The following RNF220 variants were observed in gnomAD, a reference collection of about 807,000 sequenced individuals.
The protein encoded by RNF220 is E3 ubiquitin-protein ligase RNF220.
A neutral mutation model predicts 67.1 loss-of-function variants in RNF220; 7 were observed. The observed-to-expected ratio is 0.10, with a 90% confidence interval of 0.06 to 0.20. RNF220 has a LOEUF of 0.20. Among genes scored for constraint, RNF220 ranks in the 10% least tolerant of loss-of-function variants. The pLI, the probability that RNF220 is intolerant of heterozygous loss-of-function variation, is 1.00. For missense variants in RNF220, 565 were observed against 740.3 expected (o/e 0.76, Z 2.75); for synonymous variants, 270 against 283.2 (o/e 0.95, Z 0.47).
intron 1 of RNF220, among the ~76,000 whole-genome samples, chr1:44,407,193 G>C (rs1464862367): frequency 1.3e-5 from 2 of 152,118 alleles, no homozygotes. Flanking sequence ...GAGGGGGAGA[G>C]CACCGCACTC....
At chr1:44,473,855 GT>G (rs1655036168) in intron 2 of RNF220, among the ~76,000 whole-genome samples, 1 of 152,082 alleles carries the variant, frequency 6.6e-6, no homozygotes, top group Non-Finnish European at 1.5e-5. Flanking sequence ...TTGGCTGATG[GT>G]TTTGCTAGTA....
intron 2 of RNF220, among the ~76,000 whole-genome samples, chr1:44,504,069 C>T (rs1338541130): frequency 6.6e-6 from 1 of 152,042 alleles, no homozygotes; most frequent in African/African-American, 2.4e-5. Flanking sequence ...AGGATGGTCT[C>T]GATCTCCTGA....
At chr1:44,423,707 A>G in intron 2 of RNF220, 1 of 298,070 alleles carries the variant, frequency 3.4e-6, no homozygotes, top group Non-Finnish European at 5.0e-6. Flanking sequence ...CCCTACCCGG[A>G]AACGTGACAG....
At chr1:44,502,530 C>T (rs751288307) in intron 2 of RNF220, among the ~76,000 whole-genome samples, 2 of 152,166 alleles carry the variant, frequency 1.3e-5, no homozygotes, top group Non-Finnish European at 2.9e-5. Context: ...ATAATTTGCT[C>T]AGCATTCCTT....
At chr1:44,511,035 GT>G (rs1227684528) in intron 2 of RNF220, among the ~76,000 whole-genome samples, 1 of 152,208 alleles carries the variant, frequency 6.6e-6, no homozygotes, top group African/African-American at 2.4e-5. Flanking sequence ...GGGGAGTGAT[GT>G]TTGAGGACCT....
Position 44,622,660 on chromosome 1 carries a change from T to G in RNF220, c.759-82T>G, listed in dbSNP as rs571187485. 58 of 1,294,200 alleles carry G rather than the reference T, an allele frequency of 4.5e-5. No homozygotes were observed. In the African/African-American group the frequency reaches 6.5e-4, roughly 15 times the overall value. 80.2% of individuals were successfully genotyped at this position (1,294,200 alleles called of 1,614,324 possible). On this transcript the variant is annotated intron_variant, in intron 3 of 14. Transcript: ENST00000361799. The surrounding 1 kb of genome is among the most constrained non-coding windows in gnomAD (Gnocchi z 4.3). The stretch of plus-strand genomic sequence containing the variant: ...CTAGGCGGTCTATGCCTTCTCTGTC[T>G]TTGGGGTCTTCTTGCTACTCTACCG...
intron 2 of RNF220, among the ~76,000 whole-genome samples, chr1:44,427,749 T>C (rs984630258): frequency 7.2e-5 from 11 of 152,198 alleles, no homozygotes; most frequent in East Asian, 3.8e-4. Context: ...CTAGTATCAA[T>C]CTCTTAGTGG....
upstream of RNF220, among the ~76,000 whole-genome samples, chr1:44,404,893 A>G (rs1236849005): frequency 6.6e-6 from 1 of 152,178 alleles, no homozygotes; most frequent in Non-Finnish European, 1.5e-5. Context: ...AGTGGATGTC[A>G]GTCTTCAAGC....
intron 2 of RNF220, among the ~76,000 whole-genome samples, chr1:44,611,554 T>G (rs886242019): frequency 9.2e-5 from 14 of 152,162 alleles, no homozygotes; most frequent in African/African-American, 3.1e-4. Flanking sequence ...CTGCCTCAAT[T>G]ATCTGTTCCA....
intron 3 of RNF220, among the ~76,000 whole-genome samples, chr1:44,617,260 G>C (rs896731036): frequency 6.6e-6 from 1 of 152,086 alleles, no homozygotes; most frequent in East Asian, 1.9e-4. Context: ...TATCTGTCTC[G>C]GCCCCGCCGC....
chr1:44,607,349 A>C (rs1158638978), intron 2 of RNF220, among the ~76,000 whole-genome samples: 1 of 152,196 alleles, frequency 6.6e-6, no homozygotes, highest in African/African-American at 2.4e-5. Flanking sequence ...ATGTAGTTTA[A>C]AAGTCCTCCA....
At position 44,622,278 on chromosome 1, in the gene RNF220, A is replaced by G. The variant is rs1035359030; in HGVS notation, c.759-464A>G. On this transcript the variant is annotated intron_variant, in intron 3 of 14. Coordinates refer to ENST00000361799, the MANE Select transcript of RNF220 (RefSeq NM_018150.4). This position sits in a 1 kb window ranked among gnomAD's most constrained non-coding sequence, Gnocchi z 4.3. ...GGGCCTGGGGCTGACAAATTGAATC[A>G]GGGGGAGATCATTCCTGGCCTAACA... 2.0e-5 allele frequency among the ~76,000 whole-genome samples: 3 copies of G among 152,166 alleles called. No homozygotes were observed. Among genetic ancestry groups the G allele is most frequent in the Admixed American group, 6.5e-5 (1 of 15,274 alleles).
rs145511502 is a variant in RNF220, at chr1:44,622,022, G to A, written c.759-720G>A. On this transcript the variant is annotated intron_variant, in intron 3 of 14. Transcript: ENST00000361799. This position sits in a 1 kb window ranked among gnomAD's most constrained non-coding sequence, Gnocchi z 4.3. ...TTCTGAAGTGGATCTGATTTGATAC[G>A]TCTTGTTCCATTGTCAGCATCTGTT... Among the ~76,000 whole-genome samples the A allele has an allele frequency of 2.0e-4, 30 of 152,320 alleles. No individual in the cohort carries two copies. The East Asian group carries it at 4.2e-3, about 22-fold the overall frequency.
chr1:44,431,530 A>T (rs1277610226), intron 2 of RNF220, among the ~76,000 whole-genome samples: 1 of 151,976 alleles, frequency 6.6e-6, no homozygotes, highest in East Asian at 1.9e-4. Context: ...AGAAGTGGTC[A>T]AATGCTTGCT....
intron 2 of RNF220, among the ~76,000 whole-genome samples, chr1:44,592,932 G>A (rs575248627): frequency 6.6e-6 from 1 of 152,192 alleles, no homozygotes; most frequent in South Asian, 2.1e-4. Context: ...CAGGGAGTGG[G>A]AGTAGAGGGG....
intron 2 of RNF220, among the ~76,000 whole-genome samples, chr1:44,590,035 A>G (rs1485737208): frequency 6.6e-6 from 1 of 152,182 alleles, no homozygotes; most frequent in African/African-American, 2.4e-5. Flanking sequence ...GCAAAGCCAG[A>G]TATGGGGATG....
intron 2 of RNF220, among the ~76,000 whole-genome samples, chr1:44,562,062 G>A (rs1356846734): frequency 6.6e-6 from 1 of 152,160 alleles, no homozygotes; most frequent in Non-Finnish European, 1.5e-5. Flanking sequence ...TGCAGGGTCA[G>A]TGAAGGGAAA....
intron 2 of RNF220, among the ~76,000 whole-genome samples, chr1:44,457,883 A>G (rs965548149): frequency 2.6e-5 from 4 of 152,182 alleles, no homozygotes; most frequent in African/African-American, 9.7e-5. Context: ...AGGGCCTTTT[A>G]TCAAGTGTGG....
At chr1:44,558,000 C>G (rs991683516) in intron 2 of RNF220, among the ~76,000 whole-genome samples, 25 of 152,330 alleles carry the variant, frequency 1.6e-4, no homozygotes, top group African/African-American at 5.5e-4. Context: ...CTGGGCACCT[C>G]AAGGAACATG....
Sources: allele counts gnomAD v4.1 joint callset (sites outside exome capture counted in the v4.1 genomes callset), GRCh38; gene constraint gnomAD v4.1.1; non-coding constraint Gnocchi (gnomAD v3.1); transcripts MANE v1.5; gene names NCBI Gene and HGNC (gene_info 2026-07-23, HGNC 2026-07-21).